Variants in CEP112 observed in about 807,000 individuals in gnomAD.
The protein encoded by CEP112 is centrosomal protein of 112 kDa.
Under a neutral mutation model 153.0 loss-of-function variants are expected in CEP112, and 127 were observed. That is an observed-to-expected ratio of 0.83 (90% CI 0.72 to 0.96). The LOEUF (loss-of-function observed/expected upper bound fraction) is 0.96, where lower values mean the gene tolerates loss of function less well. CEP112 is among the 40% of genes least tolerant of loss of function. The pLI, the probability that CEP112 is intolerant of heterozygous loss-of-function variation, is 0.00. For missense variants in CEP112, 1,089 were observed against 1,101.2 expected, an observed-to-expected ratio of 0.99 and a Z score of 0.16; for synonymous variants, 358 against 374.4, an observed-to-expected ratio of 0.96 and a Z score of 0.51.
intron 23 of CEP112, among the ~76,000 whole-genome samples, chr17:65,704,427 AC>A (rs2048808907): frequency 7.0e-6 from 1 of 141,924 alleles, no homozygotes; most frequent in African/African-American, 2.9e-5. Flanking sequence ...AAATACACAC[AC>A]ACACACACAC....
intron 21 of CEP112, among the ~76,000 whole-genome samples, chr17:65,807,185 T>A (rs1044559316): frequency 3.9e-5 from 6 of 152,192 alleles, no homozygotes; most frequent in Non-Finnish European, 7.3e-5. Context: ...GCCCTCGAGA[T>A]CTCTAAAACT....
intron 17 of CEP112, among the ~76,000 whole-genome samples, chr17:65,972,576 T>A (rs2062881618): frequency 6.6e-6 from 1 of 151,918 alleles, no homozygotes; most frequent in South Asian, 2.1e-4. Flanking sequence ...TAGGCAAAAA[T>A]CAGTGAATCC....
chr17:65,918,830 T>G (rs1446696850), intron 19 of CEP112, among the ~76,000 whole-genome samples: 1 of 152,218 alleles, frequency 6.6e-6, no homozygotes. Context: ...TCTGCACACT[T>G]TATGCCTGGA....
chr17:65,826,532 A>C (rs565862728), intron 21 of CEP112: 1 of 1,346,020 alleles, frequency 7.4e-7, no homozygotes, highest in Non-Finnish European at 9.5e-7. Flanking sequence ...TCAGTTCCTG[A>C]TGTCAGCTAA....
chr17:65,792,478 T>G (rs1238779092), intron 21 of CEP112, among the ~76,000 whole-genome samples: 4 of 152,118 alleles, frequency 2.6e-5, no homozygotes, highest in African/African-American at 7.2e-5. Flanking sequence ...ATTAAAACAA[T>G]GCAGAACAAG....
intron 19 of CEP112, among the ~76,000 whole-genome samples, chr17:65,912,810 T>G (rs982921491): frequency 6.6e-6 from 1 of 152,158 alleles, no homozygotes; most frequent in East Asian, 1.9e-4. Flanking sequence ...AATAGACAGA[T>G]TTTTCTACAG....
chr17:65,718,408 CA>C (rs775958879), intron 23 of CEP112, among the ~76,000 whole-genome samples: 1,349 of 94,966 alleles, frequency 0.014, 10 homozygotes, highest in African/African-American at 0.036. Flanking sequence ...AACTCCATCT[CA>C]AAAAAAAAAA....
chr17:66,077,869 G>A (rs1225278915), intron 8 of CEP112, among the ~76,000 whole-genome samples: 5 of 152,172 alleles, frequency 3.3e-5, no homozygotes, highest in African/African-American at 1.2e-4. Flanking sequence ...CTTTTACCGT[G>A]CAAAAGCTCT....
intron 17 of CEP112, among the ~76,000 whole-genome samples, chr17:65,969,814 C>A (rs1189236434): frequency 6.9e-6 from 1 of 144,984 alleles, no homozygotes; most frequent in Non-Finnish European, 1.5e-5. Flanking sequence ...TGTATATTAC[C>A]TGCATACATA....
intron 23 of CEP112, among the ~76,000 whole-genome samples, chr17:65,693,685 T>C (rs1271681724): frequency 1.3e-5 from 2 of 152,060 alleles, no homozygotes; most frequent in Admixed American, 1.3e-4. Flanking sequence ...ACATGCTGGG[T>C]TGAAGGTGCT....
chr17:66,156,304 G>A (rs2071436831), intron 4 of CEP112, among the ~76,000 whole-genome samples: 2 of 152,236 alleles, frequency 1.3e-5, no homozygotes, highest in Non-Finnish European at 2.9e-5. Flanking sequence ...CTATTAGAAG[G>A]AAAACTAACA....
chr17:66,102,885 T>C (rs903317883), intron 6 of CEP112, among the ~76,000 whole-genome samples: 1 of 150,720 alleles, frequency 6.6e-6, no homozygotes, highest in South Asian at 2.1e-4. Flanking sequence ...TTTAATTTGA[T>C]AAATGGAATC....
chr17:65,950,954 T>C (rs573191523), intron 18 of CEP112, among the ~76,000 whole-genome samples: 4 of 152,124 alleles, frequency 2.6e-5, no homozygotes, highest in African/African-American at 9.7e-5. Context: ...TAAATGGTGC[T>C]TGAATTTTTC....
chr17:65,674,574 G>A (rs557051823), intron 24 of CEP112, among the ~76,000 whole-genome samples: 2 of 152,302 alleles, frequency 1.3e-5, no homozygotes, highest in South Asian at 2.1e-4. Flanking sequence ...TACTTTGGGT[G>A]GATTCCAAAG....
At chr17:66,067,016 AACACACACAC>A (rs60964018) in intron 9 of CEP112, 139 bp from the exon 10 acceptor site, 75,402 of 263,866 alleles carry the variant, frequency 0.29, 10,835 homozygotes, top group East Asian at 0.67. Context: ...TGAAATTATA[AACACACACAC>A]ACACACACAC....
chr17:65,968,490 A>T (rs1237835289), intron 17 of CEP112, among the ~76,000 whole-genome samples: 3 of 152,190 alleles, frequency 2.0e-5, no homozygotes, highest in Admixed American at 6.5e-5. Context: ...TTTCTAAGTG[A>T]TATGAAATGA....
intron 20 of CEP112, among the ~76,000 whole-genome samples, chr17:65,866,378 A>G (rs771161163): frequency 6.6e-5 from 10 of 152,248 alleles, no homozygotes; most frequent in Non-Finnish European, 8.8e-5. Flanking sequence ...GGCTGAGGGC[A>G]GCTTGGCACT....
At chr17:65,673,443 T>C (rs550444341) in intron 24 of CEP112, among the ~76,000 whole-genome samples, 2 of 152,320 alleles carry the variant, frequency 1.3e-5, no homozygotes, top group Admixed American at 6.5e-5. Flanking sequence ...TCTGGGATCA[T>C]CTGCCTTTTT....
chr17:65,691,077 G>A (rs2048085523), intron 23 of CEP112, among the ~76,000 whole-genome samples: 1 of 152,104 alleles, frequency 6.6e-6, no homozygotes. Context: ...TGAAGGAGTG[G>A]AAGCAGAGAG....
Sources: allele counts gnomAD v4.1 joint callset (sites outside exome capture counted in the v4.1 genomes callset), GRCh38; gene constraint gnomAD v4.1.1; transcripts MANE v1.5; gene names NCBI Gene and HGNC (gene_info 2026-07-23, HGNC 2026-07-21).